Variants in UNC80 observed in about 807,000 individuals in gnomAD.
UNC80 encodes unc-80 subunit of NALCN channel complex.
In UNC80, 164 loss-of-function variants were observed where a neutral mutation model predicts 384.6. The ratio of observed to expected loss-of-function variants is 0.43; its 90% confidence interval spans 0.38 to 0.49. UNC80 has a LOEUF of 0.49. Ranked by LOEUF, UNC80 falls within the 20% of genes least tolerant of loss-of-function variation. The probability of loss-of-function intolerance (pLI) is 0.00; values close to 1 mark genes in which losing one functional copy is unlikely to be tolerated. For synonymous variants in UNC80, 1,486 were observed against 1,527.8 expected, an observed-to-expected ratio of 0.97 and a Z score of 0.64; for missense variants, 3,330 against 4,143.0, an observed-to-expected ratio of 0.80 and a Z score of 5.39.
intron 60 of UNC80, 104 bp downstream of exon 60, chr2:209,982,421 T>A (rs1290914085): frequency 7.4e-7 from 1 of 1,352,836 alleles, no homozygotes; most frequent in Admixed American, 2.8e-5. Flanking sequence ...AAGCAAGCAA[T>A]GGTAATGTTT....
intron 51 of UNC80, among the ~76,000 whole-genome samples, chr2:209,961,756 A>G (rs780650132): frequency 5.9e-5 from 9 of 152,316 alleles, no homozygotes; most frequent in Non-Finnish European, 1.2e-4. Flanking sequence ...AGAACAAGAA[A>G]AATCTTGTAG....
chr2:209,809,197 C>T, intron 7 of UNC80: 1 of 662,588 alleles, frequency 1.5e-6, no homozygotes, highest in Non-Finnish European at 2.8e-6. Context: ...AGTGTGCAAG[C>T]AGCTGGCCCA....
Position 209,896,389 on chromosome 2 carries a change from C to T in UNC80, c.4557C>T (p.Tyr1519=), listed in dbSNP as rs2086799146. Residue 1519 remains tyrosine, a synonymous_variant, in exon 28 of 65, where the codon TAC becomes TAT. Coordinates refer to ENST00000673920, the MANE Select transcript of UNC80 (RefSeq NM_001371986.1). ...GTAATGCCGGCGCGGAGGAGAATTA[C>T]CACAGAAACATGTCGTGGCTTCATG... ...GMSNAGAEEN[Y]HRNMSWLHVM... The T allele has an allele frequency of 6.4e-7, 1 of 1,551,518 alleles. No individual in the cohort carries two copies. The highest frequency in any genetic ancestry group is 8.7e-7 in the Non-Finnish European group (1 of 1,146,908).
chr2:209,941,616 G>A, intron 44 of UNC80, 127 bp downstream of exon 44: 1 of 1,112,794 alleles, frequency 9.0e-7, no homozygotes, highest in Non-Finnish European at 1.2e-6. Context: ...ACAACAGAAG[G>A]CAACAAATGA....
At chr2:209,951,833 AT>A (rs1310494336) in intron 47 of UNC80, among the ~76,000 whole-genome samples, 7 of 151,934 alleles carry the variant, frequency 4.6e-5, no homozygotes, top group African/African-American at 1.7e-4. Flanking sequence ...ATGTATATGT[AT>A]TTTTTCCTCC....
At chr2:209,796,217 T>C (rs1272626786) in intron 7 of UNC80, 1 of 152,252 alleles carries the variant, frequency 6.6e-6, no homozygotes, top group East Asian at 1.9e-4. Flanking sequence ...CTGCTGGACT[T>C]TGGACTTGCA....
chr2:209,908,645 G>A (rs2088558311), intron 29 of UNC80, among the ~76,000 whole-genome samples: 1 of 152,212 alleles, frequency 6.6e-6, no homozygotes, highest in Admixed American at 6.5e-5. Flanking sequence ...AAAGGACACA[G>A]TGTGGGTAAA....
At position 209,976,392 on chromosome 2, in the gene UNC80, TG is replaced by T. The variant is rs1288110670; in HGVS notation, c.8772+91del. The T allele has an allele frequency of 1.2e-5, 18 of 1,502,084 alleles. No individual in the cohort carries two copies. Among genetic ancestry groups the T allele is most frequent in the Non-Finnish European group, 1.5e-5 (17 of 1,109,488 alleles). 93.0% of individuals were successfully genotyped at this position (1,502,084 alleles called of 1,614,324 possible). On this transcript the variant is annotated intron_variant, in intron 57 of 64. Coordinates refer to ENST00000673920, the MANE Select transcript of UNC80 (RefSeq NM_001371986.1). This position sits in a 1 kb window ranked among gnomAD's most constrained non-coding sequence, Gnocchi z 4.3. Reference sequence around the variant, plus strand: ...GGCAGGAATATGGCAGGAGTGCTCATGGTACCTACTGTTGCCAGTTAGTAGG... The same window carrying T: ...GGCAGGAATATGGCAGGAGTGCTCATGTACCTACTGTTGCCAGTTAGTAGG...
chr2:209,814,055 G>C (rs2079552351), intron 8 of UNC80, among the ~76,000 whole-genome samples: 1 of 152,110 alleles, frequency 6.6e-6, no homozygotes, highest in Non-Finnish European at 1.5e-5. Context: ...TCTTGCACAT[G>C]CTAATTTAGT....
intron 51 of UNC80, among the ~76,000 whole-genome samples, chr2:209,962,769 C>G (rs983931862): frequency 6.6e-6 from 1 of 152,140 alleles, no homozygotes; most frequent in Non-Finnish European, 1.5e-5. Flanking sequence ...AGGGGCAGAT[C>G]CAGATGCTTT....
rs377594006 is a variant in UNC80, at chr2:209,941,324, C to T, written c.6750C>T (p.Asp2250=). 1.7e-5 allele frequency: 26 copies of T among 1,550,708 alleles called. No individual in the cohort carries two copies. The East Asian group carries it at 1.7e-4, about 10-fold the overall frequency. The change falls in exon 44 of 65, where the codon GAC becomes GAT. Residue 2250 remains aspartate (D), a synonymous_variant. Transcript: ENST00000673920. ...LGMPSEFPWG[D]EIMLFLNVFN... ...TGCCGAGCGAGTTTCCATGGGGAGACGAAATCATGCTTTTCCTCAACGTTT... is the reference window on the plus strand; with the variant it reads ...TGCCGAGCGAGTTTCCATGGGGAGATGAAATCATGCTTTTCCTCAACGTTT...
chr2:209,792,333 C>T (rs1052287131), intron 6 of UNC80, among the ~76,000 whole-genome samples: 1 of 152,122 alleles, frequency 6.6e-6, no homozygotes, highest in East Asian at 1.9e-4. Flanking sequence ...CATCTTAATA[C>T]TTTTTTGTTT....
At chr2:209,782,954 A>G (rs1208777419) in intron 4 of UNC80, among the ~76,000 whole-genome samples, 2 of 151,394 alleles carry the variant, frequency 1.3e-5, no homozygotes, top group Non-Finnish European at 2.9e-5. Context: ...GCTGTATGCT[A>G]GCTACTGTTC....
intron 26 of UNC80, among the ~76,000 whole-genome samples, chr2:209,891,148 A>G (rs1203527134): frequency 2.6e-5 from 4 of 152,214 alleles, no homozygotes; most frequent in Admixed American, 6.5e-5. Flanking sequence ...AAAACACACA[A>G]TATTTAAAAG....
chr2:209,791,865 TC>T (rs2077829415), intron 6 of UNC80, among the ~76,000 whole-genome samples: 1 of 140,122 alleles, frequency 7.1e-6, no homozygotes, highest in Non-Finnish European at 1.6e-5. Context: ...AATTCCCAAT[TC>T]CCCCTAAACT....
At chr2:209,994,018 G>C in intron 63 of UNC80, 47 bp from the exon 64 acceptor site, 14 of 1,501,390 alleles carry the variant, frequency 9.3e-6, no homozygotes, top group Non-Finnish European at 1.2e-5. Context: ...TTGACGGTCC[G>C]TTTCCACCAA....
rs567597733 is a variant in UNC80, at chr2:209,932,522, C to T, written c.5995-1300C>T. 4.1e-4 allele frequency among the ~76,000 whole-genome samples: 63 copies of T among 152,314 alleles called. 1 individual carries two copies. The highest frequency in any genetic ancestry group is 1.4e-3 in the African/African-American group (60 of 41,572). ...CTTGCCTGTGTACCTGCCCCTTCCC[C>T]AGGTCACTGAATAGGAGAAATGCTT... is the stretch of plus-strand genomic sequence containing the variant. On this transcript the variant is annotated intron_variant, in intron 38 of 64. Coordinates refer to ENST00000673920, the MANE Select transcript of UNC80 (RefSeq NM_001371986.1).
intron 22 of UNC80, among the ~76,000 whole-genome samples, chr2:209,854,319 A>G (rs2082734837): frequency 6.9e-6 from 1 of 145,662 alleles, no homozygotes; most frequent in Non-Finnish European, 1.5e-5. Flanking sequence ...CTAACTATGA[A>G]ATGTAGCATA....
At chr2:209,905,049 A>G in intron 29 of UNC80, 84 bp downstream of exon 29, 1 of 1,407,246 alleles carries the variant, frequency 7.1e-7, no homozygotes, top group South Asian at 1.3e-5. Context: ...AGAATTTTCA[A>G]GCAAATGCAA....
Sources: allele counts gnomAD v4.1 joint callset (sites outside exome capture counted in the v4.1 genomes callset), GRCh38; gene constraint gnomAD v4.1.1; non-coding constraint Gnocchi (gnomAD v3.1); transcripts MANE v1.5; gene names NCBI Gene and HGNC (gene_info 2026-07-23, HGNC 2026-07-21).